ZNF385B: variants seen among roughly 807,000 people sequenced by gnomAD.
ZNF385B encodes the protein zinc finger protein 385B.
In ZNF385B, 23 loss-of-function variants were observed where a neutral mutation model predicts 39.2. That is an observed-to-expected ratio of 0.59 (90% CI 0.42 to 0.83). The LOEUF (loss-of-function observed/expected upper bound fraction) is 0.83, where lower values mean the gene tolerates loss of function less well. Ranked by LOEUF, ZNF385B falls within the 40% of genes least tolerant of loss-of-function variation. ZNF385B has a pLI of 0.00. For missense variants in ZNF385B, 552 were observed against 598.9 expected (o/e 0.92, Z 0.82); for synonymous variants, 205 against 222.6 (o/e 0.92, Z 0.70).
At position 179,634,519 on chromosome 2, in the gene ZNF385B, G is replaced by A. The variant is rs532029904; in HGVS notation, c.299-89550C>T. Among the ~76,000 whole-genome samples the A allele has an allele frequency of 6.5e-4, 99 of 152,322 alleles. 1 individual carries two copies. The highest frequency in any genetic ancestry group is 1.2e-3 in the Non-Finnish European group (79 of 68,030). ...CACAATGAGATACCATCTCACAGTA[G>A]TTAGAATAGTAATCATTAAAAAGTC... is the stretch of plus-strand genomic sequence containing the variant. On this transcript the variant is annotated intron_variant, in intron 3 of 9. Transcript: ENST00000410066.
intron 3 of ZNF385B, among the ~76,000 whole-genome samples, chr2:179,639,654 C>A (rs1265478897): frequency 6.6e-6 from 1 of 151,942 alleles, no homozygotes; most frequent in Non-Finnish European, 1.5e-5. Context: ...GAGGGAAAGC[C>A]AGGCAAATGA....
chr2:179,791,866 C>A (rs1705346835), intron 1 of ZNF385B, among the ~76,000 whole-genome samples: 1 of 152,166 alleles, frequency 6.6e-6, no homozygotes, highest in African/African-American at 2.4e-5. Flanking sequence ...AAATGATTCT[C>A]CTGCCTTAGC....
At chr2:179,855,045 G>T (rs543763564) in intron 1 of ZNF385B, among the ~76,000 whole-genome samples, 1 of 152,060 alleles carries the variant, frequency 6.6e-6, no homozygotes, top group East Asian at 1.9e-4. Flanking sequence ...GCTCTGCCAG[G>T]CCCACTGGAA....
intron 1 of ZNF385B, among the ~76,000 whole-genome samples, chr2:179,786,145 A>T (rs919885293): frequency 6.6e-6 from 1 of 152,070 alleles, no homozygotes; most frequent in African/African-American, 2.4e-5. Flanking sequence ...TTGTAGCAAT[A>T]TTTTTCAATT....
At chr2:179,592,430 A>G (rs939999510) in intron 3 of ZNF385B, among the ~76,000 whole-genome samples, 2 of 152,212 alleles carry the variant, frequency 1.3e-5, no homozygotes, top group African/African-American at 4.8e-5. Flanking sequence ...CTATTTTCGT[A>G]GAAGGCTTTC....
chr2:179,847,732 G>GGAAGGGACTA (rs2106624195), intron 1 of ZNF385B, among the ~76,000 whole-genome samples: 1 of 152,266 alleles, frequency 6.6e-6, no homozygotes, highest in East Asian at 1.9e-4. Context: ...TGGATGCTGT[G>GGAAGGGACTA]GAAGGGACTA....
chr2:179,456,744 T>C (rs947706315), intron 6 of ZNF385B, among the ~76,000 whole-genome samples: 8 of 152,142 alleles, frequency 5.3e-5, no homozygotes, highest in Admixed American at 3.3e-4. Context: ...CTTACAATAA[T>C]GGTAAATGTA....
Position 179,829,600 on chromosome 2 carries a change from G to A in ZNF385B, c.-155+31501C>T, listed in dbSNP as rs577508467. 7.4e-4 allele frequency among the ~76,000 whole-genome samples: 113 copies of A among 151,992 alleles called. 1 individual carries two copies. The highest frequency in any genetic ancestry group is 3.4e-3 in the Middle Eastern group (1 of 294). ...GCTATCTCGGCTCACTGCAAGCTCC[G>A]CCTCCTGGGTTCAGGCCACTCTCCT... On this transcript the variant is annotated intron_variant, in intron 1 of 9. Coordinates refer to ENST00000410066, the MANE Select transcript of ZNF385B (RefSeq NM_152520.6).
intron 3 of ZNF385B, among the ~76,000 whole-genome samples, chr2:179,569,890 G>A (rs529574076): frequency 6.6e-6 from 1 of 152,274 alleles, no homozygotes; most frequent in East Asian, 1.9e-4. Flanking sequence ...TCTGTCTTAT[G>A]AAATGTGAAT....
At chr2:179,705,926 T>G (rs1699560157) in intron 3 of ZNF385B, among the ~76,000 whole-genome samples, 3 of 152,236 alleles carry the variant, frequency 2.0e-5, no homozygotes, top group African/African-American at 7.2e-5. Flanking sequence ...GATCATGTTC[T>G]TCCCTCTCTC....
chr2:179,640,408 T>C (rs530267472), intron 3 of ZNF385B, among the ~76,000 whole-genome samples: 3 of 152,028 alleles, frequency 2.0e-5, no homozygotes, highest in South Asian at 2.1e-4. Flanking sequence ...CATGAGTATA[T>C]ACGCATATTA....
Position 179,443,259 on chromosome 2 carries a change from A to C in ZNF385B, c.1452T>G (p.Ala484=), listed in dbSNP as rs1345282310. 5.6e-6 allele frequency: 9 copies of C among 1,612,176 alleles called. No individual in the cohort carries two copies. The East Asian group carries it at 1.8e-4, about 32-fold the overall frequency. ...IRATPASILF[A]PY ...TTGGGGTTTGCAGACGTTAGTACGG[A>C]GCAAAGAGGATGGAGGCAGGAGTGG... The change falls in exon 10 of 10, where the codon GCT becomes GCG. Residue 484 remains alanine (A), a synonymous_variant. Transcript: ENST00000410066.
intron 3 of ZNF385B, among the ~76,000 whole-genome samples, chr2:179,694,149 C>T (rs1009424525): frequency 2.0e-5 from 3 of 152,156 alleles, no homozygotes; most frequent in African/African-American, 4.8e-5. Context: ...CAGGAGTTTA[C>T]CACATGCCAT....
chr2:179,745,619 T>C (rs565213268), intron 3 of ZNF385B: 27 of 1,115,330 alleles, frequency 2.4e-5, no homozygotes, highest in Admixed American at 9.1e-5. Context: ...ATAAACACAA[T>C]TGAGGACTCC....
rs2049038455 is a variant in ZNF385B, at chr2:179,442,222, A to G, written c.*1028T>C. The G allele has an allele frequency of 6.6e-6, 1 of 152,654 alleles. No homozygotes were observed. Among genetic ancestry groups the G allele is most frequent in the Non-Finnish European group, 1.5e-5 (1 of 68,038 alleles). The allele number at this position is 152,654 out of a possible 1,614,324, so 9.5% of individuals were successfully genotyped here. A position where few individuals can be genotyped will look rare whatever the true frequency, so the allele number is the denominator to read the frequency against. On this transcript the variant is annotated 3_prime_UTR_variant, in exon 10 of 10. Transcript: ENST00000410066. ...CAGAAAGACAAATTGTTCAATTATA[A>G]ATTTTTTTATCTTCTGTACATTATT...
intron 1 of ZNF385B, among the ~76,000 whole-genome samples, chr2:179,815,660 A>C (rs1707018516): frequency 6.6e-6 from 1 of 152,180 alleles, no homozygotes; most frequent in Non-Finnish European, 1.5e-5. Context: ...TGATTCATTC[A>C]ACACTACTCT....
At chr2:179,833,993 C>T (rs1708116567) in intron 1 of ZNF385B, among the ~76,000 whole-genome samples, 2 of 151,576 alleles carry the variant, frequency 1.3e-5, no homozygotes, top group African/African-American at 4.9e-5. Flanking sequence ...ATTGTAGCCA[C>T]AAACAAGTAA....
intron 1 of ZNF385B, among the ~76,000 whole-genome samples, chr2:179,844,643 T>C (rs1468253852): frequency 6.6e-6 from 1 of 152,082 alleles, no homozygotes; most frequent in Non-Finnish European, 1.5e-5. Flanking sequence ...AAAAGAATTA[T>C]CTGAATAAAA....
At chr2:179,735,819 G>A (rs1166861646) in intron 3 of ZNF385B, among the ~76,000 whole-genome samples, 2 of 148,900 alleles carry the variant, frequency 1.3e-5, no homozygotes, top group African/African-American at 5.0e-5. Context: ...ACTCATAGGT[G>A]GGAATTGAAC....
Sources: allele counts gnomAD v4.1 joint callset (sites outside exome capture counted in the v4.1 genomes callset), GRCh38; gene constraint gnomAD v4.1.1; transcripts MANE v1.5; gene names NCBI Gene and HGNC (gene_info 2026-07-23, HGNC 2026-07-21).